SRC: variants seen among roughly 807,000 people sequenced by gnomAD.
The protein encoded by SRC is SRC proto-oncogene, non-receptor tyrosine kinase.
SRC carries 13 observed loss-of-function variants against 62.9 expected under a neutral mutation model. The observed-to-expected ratio is 0.21, with a 90% CI of 0.13 to 0.33. SRC has a LOEUF of 0.33. Among genes scored for constraint, SRC ranks in the 10% least tolerant of loss-of-function variants. The pLI, the probability that SRC is intolerant of heterozygous loss-of-function variation, is 1.00. For synonymous variants in SRC, 302 were observed against 317.5 expected, an observed-to-expected ratio of 0.95 and a Z score of 0.52; for missense variants, 457 against 737.3, an observed-to-expected ratio of 0.62 and a Z score of 4.40.
rs891846319 is a variant in SRC at position 37,404,381 on chromosome 20, C to G, written c.*1002C>G. 1.3e-5 allele frequency: 3 copies of G among 233,414 alleles called. No homozygotes were observed. Among genetic ancestry groups the G allele is most frequent in the Non-Finnish European group, 2.5e-5 (3 of 118,018 alleles). 14.5% of individuals were successfully genotyped at this position (233,414 alleles called of 1,614,324 possible). ...GTGATGTTTGACCTTCAGAGCCAGC[C>G]GGCTATGAAAGGGAGCGAGCCCCTC... On this transcript the variant is annotated 3_prime_UTR_variant, in exon 14 of 14. Transcript: ENST00000373578.
chr20:37,384,707 CT>C lies in SRC; in HGVS notation c.250+306del, dbSNP rs10714592. 1 allele frequency among the ~76,000 whole-genome samples: 152,177 copies of C among 152,178 alleles called. 76,088 individuals carry two copies. The highest frequency in any genetic ancestry group is 1 in the Non-Finnish European group (67,984 of 67,984). ...GGCGCGGGACCGGGCCTGTTGCTGC[CT>C]TGGCGCCCAGTCCTTTTTCGTTGCC... On this transcript the variant is annotated intron_variant, in intron 4 of 13. Coordinates refer to ENST00000373578, the MANE Select transcript of SRC (RefSeq NM_198291.3). The surrounding 1 kb of genome is among the most constrained non-coding windows in gnomAD (Gnocchi z 6.7).
intron 5 of SRC, among the ~76,000 whole-genome samples, chr20:37,387,543 G>A (rs1486820640): frequency 6.9e-6 from 1 of 143,964 alleles, no homozygotes; most frequent in African/African-American, 2.6e-5. Flanking sequence ...TCCTCAACCT[G>A]CTCTTGGCGG....
chr20:37,376,054 G>T (rs1203022898), intron 2 of SRC, among the ~76,000 whole-genome samples: 3 of 152,174 alleles, frequency 2.0e-5, no homozygotes. Context: ...CCACACTGGG[G>T]ATTAGGGCTT....
chr20:37,390,534 T>A (rs184954438), intron 5 of SRC, among the ~76,000 whole-genome samples: 154 of 151,918 alleles, frequency 1.0e-3, no homozygotes, highest in African/African-American at 3.5e-3. Context: ...GCTTCCCAAG[T>A]AGCTGAGATT....
chr20:37,399,781 A>C (rs956287138), intron 9 of SRC, among the ~76,000 whole-genome samples: 4 of 152,044 alleles, frequency 2.6e-5, no homozygotes, highest in African/African-American at 9.7e-5. Flanking sequence ...CCTGACCTCA[A>C]ATGATCCACC....
rs2070817142 is a variant in SRC at position 37,405,579 on chromosome 20, A to C, written c.*2200A>C. The C allele has an allele frequency of 5.7e-6, 1 of 174,554 alleles. No individual in the cohort carries two copies. Among genetic ancestry groups the C allele is most frequent in the African/African-American group, 2.4e-5 (1 of 42,142 alleles). The allele number at this position is 174,554 out of a possible 1,614,324, so 10.8% of individuals were successfully genotyped here. A position where few individuals can be genotyped will look rare whatever the true frequency, so the allele number is the denominator to read the frequency against. ...ATCAGATTGGAGACAGCTACGGCAGAATGTGGCTGTTTGTGAACATCTGCA... is the reference window on the plus strand; with the variant it reads ...ATCAGATTGGAGACAGCTACGGCAGCATGTGGCTGTTTGTGAACATCTGCA... On this transcript the variant is annotated 3_prime_UTR_variant, in exon 14 of 14. Coordinates refer to ENST00000373578, the MANE Select transcript of SRC (RefSeq NM_198291.3).
intron 2 of SRC, among the ~76,000 whole-genome samples, chr20:37,370,316 T>C (rs1770203377): frequency 6.6e-6 from 1 of 152,258 alleles, no homozygotes; most frequent in Non-Finnish European, 1.5e-5. Flanking sequence ...ACCTCACGCC[T>C]GTAATCCCAG....
At chr20:37,353,434 T>C (rs2069835860) in intron 1 of SRC, among the ~76,000 whole-genome samples, 2 of 151,976 alleles carry the variant, frequency 1.3e-5, no homozygotes, top group Admixed American at 1.3e-4. Flanking sequence ...CTTCTAAAAA[T>C]CAGAGAAGAG....
chr20:37,373,197 T>C (rs1053034209), intron 2 of SRC, among the ~76,000 whole-genome samples: 1 of 149,592 alleles, frequency 6.7e-6, no homozygotes, highest in Non-Finnish European at 1.5e-5. Flanking sequence ...TATACATATA[T>C]GTACATATCT....
intron 1 of SRC, among the ~76,000 whole-genome samples, chr20:37,359,573 G>A (rs2069934400): frequency 6.6e-6 from 1 of 152,214 alleles, no homozygotes; most frequent in African/African-American, 2.4e-5. Context: ...AACAGCCAGT[G>A]GGGAGACCCC....
chr20:37,393,609 C>T (rs1014942859), intron 5 of SRC: 6 of 315,106 alleles, frequency 1.9e-5, no homozygotes, highest in African/African-American at 6.3e-5. Context: ...TCCCGGGACT[C>T]CTCCCCTATG....
chr20:37,378,048 G>A (rs2070303014), intron 2 of SRC, among the ~76,000 whole-genome samples: 1 of 144,766 alleles, frequency 6.9e-6, no homozygotes, highest in African/African-American at 2.6e-5. Flanking sequence ...TACTCTTTTA[G>A]TTTTTTTTAA....
At chr20:37,380,933 G>A (rs1317227227) in intron 2 of SRC, among the ~76,000 whole-genome samples, 1 of 151,642 alleles carries the variant, frequency 6.6e-6, no homozygotes, top group Non-Finnish European at 1.5e-5. Context: ...CATTTACGGA[G>A]GCCTGGTAAC....
In SRC at chr20:37,397,721, C is replaced by T; in HGVS notation, c.726C>T (p.His242=). The change falls in exon 9 of 14, where the codon CAC becomes CAT. Residue 242 remains histidine (H), a synonymous_variant. Transcript: ENST00000373578. The surrounding 1 kb of genome is among the most constrained non-coding windows in gnomAD (Gnocchi z 4.1). ...YYSKHADGLC[H]RLTTVCPTSK... ...CAGAACACGCCGATGGCCTGTGCCA[C>T]CGCCTCACCACCGTGTGCCCCACGT... is the stretch of plus-strand genomic sequence containing the variant. 4.4e-6 allele frequency: 7 copies of T among 1,596,538 alleles called. No individual in the cohort carries two copies. Among genetic ancestry groups the T allele is most frequent in the Non-Finnish European group, 6.0e-6 (7 of 1,170,058 alleles).
At chr20:37,371,757 A>G (rs900649462) in intron 2 of SRC, among the ~76,000 whole-genome samples, 1 of 152,106 alleles carries the variant, frequency 6.6e-6, no homozygotes, top group Non-Finnish European at 1.5e-5. Flanking sequence ...GCTAGAGTGC[A>G]ATGGTGTGAT....
At chr20:37,362,432 G>T (rs2069989108) in intron 1 of SRC, among the ~76,000 whole-genome samples, 1 of 152,146 alleles carries the variant, frequency 6.6e-6, no homozygotes, top group Non-Finnish European at 1.5e-5. Flanking sequence ...GGGCCCCAAG[G>T]TTCTGTCTCC....
rs187186726 is a variant in SRC, at chr20:37,356,349, G to T, written c.-246-8855G>T. Among the ~76,000 whole-genome samples the T allele has an allele frequency of 4.7e-4, 72 of 152,346 alleles. 1 individual carries two copies. The highest frequency in any genetic ancestry group is 6.8e-3 in the Middle Eastern group (2 of 294). ...GGGGGCCTGCTCCTCGGGCAGTGAG[G>T]AAGGGCTACTGGATGAGAGTAATGT... On this transcript the variant is annotated intron_variant, in intron 1 of 13. Coordinates refer to ENST00000373578, the MANE Select transcript of SRC (RefSeq NM_198291.3).
chr20:37,373,155 C>A (rs879371173), intron 2 of SRC, among the ~76,000 whole-genome samples: 1 of 151,016 alleles, frequency 6.6e-6, no homozygotes, highest in African/African-American at 2.4e-5. Context: ...CATATACACA[C>A]ATACACACAT....
Position 37,403,037 on chromosome 20 carries a change from T to C in SRC, c.1403-134T>C, listed in dbSNP as rs758331147. 119 of 1,311,868 alleles carry C rather than the reference T, an allele frequency of 9.1e-5. No homozygotes were observed. The highest frequency in any genetic ancestry group is 1.1e-4 in the Non-Finnish European group (109 of 979,374). The allele number at this position is 1,311,868 out of a possible 1,614,324, so 81.3% of individuals were successfully genotyped here. A position where few individuals can be genotyped will look rare whatever the true frequency, so the allele number is the denominator to read the frequency against. The stretch of plus-strand genomic sequence containing the variant: ...TCTCTCGATGGTCCATGCTCTCAGC[T>C]TCGGGGACAGGACTTATCTATGGTC... On this transcript the variant is annotated intron_variant, in intron 13 of 13. Coordinates refer to ENST00000373578, the MANE Select transcript of SRC (RefSeq NM_198291.3). This position sits in a 1 kb window ranked among gnomAD's most constrained non-coding sequence, Gnocchi z 7.1.
Sources: allele counts gnomAD v4.1 joint callset (sites outside exome capture counted in the v4.1 genomes callset), GRCh38; gene constraint gnomAD v4.1.1; non-coding constraint Gnocchi (gnomAD v3.1); transcripts MANE v1.5; gene names NCBI Gene and HGNC (gene_info 2026-07-23, HGNC 2026-07-21).